Variants in CLSTN2 observed in about 807,000 individuals in gnomAD.
CLSTN2 encodes the protein calsyntenin-2.
Under a neutral mutation model 101.2 loss-of-function variants are expected in CLSTN2, and 48 were observed. That is an observed-to-expected ratio of 0.47 (90% CI 0.38 to 0.60). CLSTN2 has a LOEUF of 0.60. CLSTN2 is among the 20% of genes least tolerant of loss of function. The pLI is 0.00. For missense variants in CLSTN2, 1,160 were observed against 1,238.2 expected, an observed-to-expected ratio of 0.94 and a Z score of 0.95; for synonymous variants, 481 against 463.6, an observed-to-expected ratio of 1.04 and a Z score of -0.48.
intron 2 of CLSTN2, among the ~76,000 whole-genome samples, chr3:140,367,423 G>A (rs146811475): frequency 0.012 from 1,763 of 147,358 alleles, 41 homozygotes; most frequent in African/African-American, 0.043. Context: ...TGAGGCAGGA[G>A]AATTGCTTGA....
At chr3:140,504,263 A>G (rs1350001282) in intron 8 of CLSTN2, among the ~76,000 whole-genome samples, 1 of 152,188 alleles carries the variant, frequency 6.6e-6, no homozygotes, top group Non-Finnish European at 1.5e-5. Flanking sequence ...CTTTATTGTC[A>G]TTAACAAGGG....
intron 8 of CLSTN2, among the ~76,000 whole-genome samples, chr3:140,496,088 A>G (rs888098661): frequency 1.3e-5 from 2 of 152,208 alleles, no homozygotes; most frequent in African/African-American, 4.8e-5. Flanking sequence ...GATTCTTCCT[A>G]TTCATGATCA....
intron 1 of CLSTN2, among the ~76,000 whole-genome samples, chr3:140,060,411 A>G (rs2008184106): frequency 6.6e-6 from 1 of 152,148 alleles, no homozygotes; most frequent in African/African-American, 2.4e-5. Flanking sequence ...AGCTGCTTTA[A>G]TACGATCCCC....
At chr3:140,113,041 C>A (rs969145780) in intron 1 of CLSTN2, among the ~76,000 whole-genome samples, 1 of 152,068 alleles carries the variant, frequency 6.6e-6, no homozygotes, top group African/African-American at 2.4e-5. Context: ...GGAGCCAGTG[C>A]CTTCCAGCTT....
At chr3:140,047,365 T>A (rs977002564) in intron 1 of CLSTN2, among the ~76,000 whole-genome samples, 1 of 152,222 alleles carries the variant, frequency 6.6e-6, no homozygotes, top group African/African-American at 2.4e-5. Context: ...CTTACAACTT[T>A]CTTTTTCATT....
At chr3:140,055,111 T>A (rs766492864) in intron 1 of CLSTN2, among the ~76,000 whole-genome samples, 3 of 152,240 alleles carry the variant, frequency 2.0e-5, no homozygotes, top group Non-Finnish European at 2.9e-5. Context: ...CTCAGTGATG[T>A]GTAAAACTTT....
intron 5 of CLSTN2, among the ~76,000 whole-genome samples, chr3:140,437,214 A>G (rs2088698073): frequency 6.6e-6 from 1 of 151,872 alleles, no homozygotes; most frequent in Admixed American, 6.6e-5. Flanking sequence ...ATGCCCAGCT[A>G]ATGTTTTGTA....
chr3:140,203,638 G>A (rs2010746876), intron 2 of CLSTN2, among the ~76,000 whole-genome samples: 1 of 152,088 alleles, frequency 6.6e-6, no homozygotes, highest in African/African-American at 2.4e-5. Context: ...TGCCTGAATG[G>A]CAAATGATAT....
intron 2 of CLSTN2, among the ~76,000 whole-genome samples, chr3:140,360,900 A>C (rs1227083463): frequency 1.3e-5 from 2 of 152,226 alleles, no homozygotes; most frequent in African/African-American, 4.8e-5. Context: ...TCAGGCCCAG[A>C]TGACTTCACT....
intron 4 of CLSTN2, among the ~76,000 whole-genome samples, chr3:140,415,544 C>A (rs1295405891): frequency 1.6e-5 from 2 of 125,060 alleles, no homozygotes; most frequent in East Asian, 2.3e-4. Context: ...AGGACCTGAA[C>A]GGACATTTTT....
intron 1 of CLSTN2, among the ~76,000 whole-genome samples, chr3:140,157,357 C>T (rs575411239): frequency 5.9e-5 from 9 of 152,204 alleles, no homozygotes; most frequent in African/African-American, 2.2e-4. Context: ...GCTGTGAATC[C>T]ATCTGGTCTG....
chr3:140,392,024 G>A (rs1224037097), intron 2 of CLSTN2, among the ~76,000 whole-genome samples: 1 of 151,892 alleles, frequency 6.6e-6, no homozygotes, highest in Non-Finnish European at 1.5e-5. Flanking sequence ...TAGAAACAAT[G>A]CCAAGAAAAC....
chr3:140,442,536 G>A (rs905430320), intron 5 of CLSTN2, among the ~76,000 whole-genome samples: 1 of 152,082 alleles, frequency 6.6e-6, no homozygotes, highest in African/African-American at 2.4e-5. Flanking sequence ...CAGTTGCAGG[G>A]TTAACACTCT....
At chr3:140,429,712 T>C (rs1259756357) in intron 5 of CLSTN2, among the ~76,000 whole-genome samples, 1 of 152,082 alleles carries the variant, frequency 6.6e-6, no homozygotes, top group Non-Finnish European at 1.5e-5. Flanking sequence ...CAGAAAAGAA[T>C]GATTATTTCT....
intron 2 of CLSTN2, among the ~76,000 whole-genome samples, chr3:140,289,882 G>A (rs1398445772): frequency 6.6e-6 from 1 of 151,664 alleles, no homozygotes; most frequent in Non-Finnish European, 1.5e-5. Flanking sequence ...GGATTCTCAT[G>A]TATGTTAAAT....
At chr3:140,080,564 G>A (rs910110416) in intron 1 of CLSTN2, among the ~76,000 whole-genome samples, 1 of 152,116 alleles carries the variant, frequency 6.6e-6, no homozygotes, top group Admixed American at 6.5e-5. Context: ...TCTTCATTAA[G>A]ACTAATGTTT....
chr3:140,126,010 A>G (rs2009423905), intron 1 of CLSTN2, among the ~76,000 whole-genome samples: 1 of 152,044 alleles, frequency 6.6e-6, no homozygotes, highest in African/African-American at 2.4e-5. Flanking sequence ...ACTAGAGTGA[A>G]TGAGAGGAGG....
At chr3:140,158,212 C>T (rs552197336) in intron 1 of CLSTN2, among the ~76,000 whole-genome samples, 10 of 152,238 alleles carry the variant, frequency 6.6e-5, no homozygotes, top group Middle Eastern at 6.8e-3. Context: ...CCAGAGCAAT[C>T]AGGCAAGAGA....
chr3:140,402,449 T>A (rs1367892562), intron 2 of CLSTN2, among the ~76,000 whole-genome samples: 4 of 152,212 alleles, frequency 2.6e-5, no homozygotes, highest in African/African-American at 9.7e-5. Flanking sequence ...GCCTTGCAGG[T>A]TTTTTATGAA....
Sources: allele counts gnomAD v4.1 joint callset (sites outside exome capture counted in the v4.1 genomes callset), GRCh38; gene constraint gnomAD v4.1.1; transcripts MANE v1.5; gene names NCBI Gene and HGNC (gene_info 2026-07-23, HGNC 2026-07-21).